Variants in KSR2 observed in about 807,000 individuals in gnomAD.
KSR2 encodes kinase suppressor of ras 2.
In KSR2, 25 loss-of-function variants were observed where a neutral mutation model predicts 107.8. That is an observed-to-expected ratio of 0.23 (90% CI 0.17 to 0.32). The LOEUF (loss-of-function observed/expected upper bound fraction) is 0.32, where lower values mean the gene tolerates loss of function less well. KSR2 is among the 10% of genes least tolerant of loss of function. The pLI is 1.00. For synonymous variants in KSR2, 480 were observed against 507.0 expected (o/e 0.95, Z 0.71); for missense variants, 887 against 1,268.9 (o/e 0.70, Z 4.57).
intron 6 of KSR2, among the ~76,000 whole-genome samples, chr12:117,580,059 A>T (rs920700357): frequency 2.0e-5 from 3 of 152,176 alleles, no homozygotes; most frequent in African/African-American, 7.2e-5. Flanking sequence ...AGCAGGAGTT[A>T]TATCTAATCT....
At chr12:117,477,612 A>T (rs528345716) in intron 16 of KSR2, among the ~76,000 whole-genome samples, 3 of 152,346 alleles carry the variant, frequency 2.0e-5, no homozygotes, top group South Asian at 2.1e-4. Flanking sequence ...GTGAGCTAAG[A>T]TCTACGTGAC....
chr12:117,852,933 C>T (rs1369676212), intron 3 of KSR2, among the ~76,000 whole-genome samples: 1 of 152,188 alleles, frequency 6.6e-6, no homozygotes, highest in East Asian at 1.9e-4. Context: ...TCCCAAATAG[C>T]TGGGATTACA....
intron 3 of KSR2, among the ~76,000 whole-genome samples, chr12:117,780,752 A>G (rs1889854884): frequency 6.6e-6 from 1 of 152,244 alleles, no homozygotes; most frequent in African/African-American, 2.4e-5. Flanking sequence ...ATGTTTTTAA[A>G]TGTAACCACT....
chr12:117,525,399 T>C (rs1369078040), intron 13 of KSR2, among the ~76,000 whole-genome samples, 180 bp from the exon 14 acceptor site: 3 of 152,192 alleles, frequency 2.0e-5, no homozygotes, highest in African/African-American at 4.8e-5. Context: ...AGAATCATAC[T>C]ACAGTGAAGG....
chr12:117,907,519 T>G lies in KSR2; in HGVS notation c.181-47088A>C, dbSNP rs1894894442. 6.6e-6 allele frequency among the ~76,000 whole-genome samples: 1 copy of G among 152,178 alleles called. No homozygotes were observed. Among genetic ancestry groups the G allele is most frequent in the South Asian group, 2.1e-4 (1 of 4,834 alleles). Reference sequence around the variant, plus strand: ...CGCTAACTAATCTACGGGGCTGGATTGACGTCAGCCACAGTGGAAACTGCT... The same window carrying G: ...CGCTAACTAATCTACGGGGCTGGATGGACGTCAGCCACAGTGGAAACTGCT... On this transcript the variant is annotated intron_variant, in intron 1 of 19. Transcript: ENST00000339824. The surrounding 1 kb of genome is among the most constrained non-coding windows in gnomAD (Gnocchi z 4.3).
intron 18 of KSR2, among the ~76,000 whole-genome samples, chr12:117,470,109 T>TGCATCCAC (rs1224680857): frequency 1.3e-5 from 2 of 151,616 alleles, no homozygotes; most frequent in East Asian, 3.9e-4. Flanking sequence ...CATCCATCCA[T>TGCATCCAC]TCATCCACTC....
At chr12:117,922,189 C>T (rs1054419567) in intron 1 of KSR2, among the ~76,000 whole-genome samples, 3 of 152,138 alleles carry the variant, frequency 2.0e-5, no homozygotes, top group African/African-American at 7.2e-5. Flanking sequence ...ACAGGGCAAA[C>T]CCAGCAAGTC....
rs147715671 is a variant in KSR2, at chr12:117,610,404, C to T, written c.1172-28045G>A. 2.0e-3 allele frequency among the ~76,000 whole-genome samples: 308 copies of T among 152,160 alleles called. 3 individuals carry two copies. The highest frequency in any genetic ancestry group is 3.7e-3 in the Non-Finnish European group (255 of 68,004). ...CAAACAATAAAAGAATGAGTAATAA[C>T]ACACAGGGTGTATTGTGAGATACTA... On this transcript the variant is annotated intron_variant, in intron 5 of 19. Transcript: ENST00000339824.
At chr12:117,894,717 CT>C (rs2137370682) in intron 1 of KSR2, among the ~76,000 whole-genome samples, 2 of 123,146 alleles carry the variant, frequency 1.6e-5, no homozygotes, top group South Asian at 3.5e-4. Flanking sequence ...CCCTCTCCCC[CT>C]TCCCGTCCCC....
chr12:117,730,924 C>T (rs1239163638), intron 4 of KSR2, among the ~76,000 whole-genome samples: 8 of 152,128 alleles, frequency 5.3e-5, no homozygotes, highest in South Asian at 2.1e-4. Flanking sequence ...TCTGCCCGGC[C>T]GCCACCCCGT....
intron 9 of KSR2, among the ~76,000 whole-genome samples, chr12:117,546,264 T>C (rs767214330): frequency 8.5e-5 from 13 of 152,348 alleles, no homozygotes; most frequent in Middle Eastern, 6.8e-3. Flanking sequence ...AAAACTTTTC[T>C]TTCAGCACTT....
intron 14 of KSR2, among the ~76,000 whole-genome samples, chr12:117,522,805 G>T (rs555883882): frequency 4.2e-4 from 64 of 152,238 alleles, no homozygotes; most frequent in African/African-American, 1.4e-3. Context: ...ACAGATGAGG[G>T]CATCTAAGAC....
intron 16 of KSR2, among the ~76,000 whole-genome samples, chr12:117,484,079 A>T (rs1053383440): frequency 6.6e-6 from 1 of 152,228 alleles, no homozygotes; most frequent in African/African-American, 2.4e-5. Flanking sequence ...AACTTTGAGC[A>T]AGGCCTCTTG....
At chr12:117,639,326 AT>A (rs972044574) in intron 5 of KSR2, among the ~76,000 whole-genome samples, 8 of 150,548 alleles carry the variant, frequency 5.3e-5, no homozygotes, top group African/African-American at 1.9e-4. Context: ...TATTATCATC[AT>A]TATTATTATT....
intron 4 of KSR2, among the ~76,000 whole-genome samples, chr12:117,714,942 T>C (rs990964297): frequency 6.6e-6 from 1 of 152,184 alleles, no homozygotes; most frequent in African/African-American, 2.4e-5. Flanking sequence ...CACCCCATCA[T>C]GTGTCCTGGC....
intron 5 of KSR2, among the ~76,000 whole-genome samples, chr12:117,625,789 T>A (rs1458549238): frequency 6.6e-6 from 1 of 152,238 alleles, no homozygotes; most frequent in Admixed American, 6.5e-5. Context: ...TACCAGCTCA[T>A]CTTTGTACCT....
intron 1 of KSR2, among the ~76,000 whole-genome samples, chr12:117,872,228 G>A (rs1379666670): frequency 1.3e-5 from 2 of 152,040 alleles, no homozygotes; most frequent in African/African-American, 4.8e-5. Flanking sequence ...CTCACCCAAG[G>A]TACTAGATAA....
intron 4 of KSR2, among the ~76,000 whole-genome samples, chr12:117,722,738 C>T (rs1232509382): frequency 6.6e-6 from 1 of 152,206 alleles, no homozygotes; most frequent in African/African-American, 2.4e-5. Context: ...CATTCCTTTA[C>T]TTTTCTAATA....
At chr12:117,773,834 G>A (rs1889592523) in intron 3 of KSR2, among the ~76,000 whole-genome samples, 1 of 152,138 alleles carries the variant, frequency 6.6e-6, no homozygotes, top group South Asian at 2.1e-4. Context: ...AGTACAATAA[G>A]TACTAGTAGT....
Sources: allele counts gnomAD v4.1 joint callset (sites outside exome capture counted in the v4.1 genomes callset), GRCh38; gene constraint gnomAD v4.1.1; non-coding constraint Gnocchi (gnomAD v3.1); transcripts MANE v1.5; gene names NCBI Gene and HGNC (gene_info 2026-07-23, HGNC 2026-07-21).